Variants in HLCS observed in about 807,000 individuals in gnomAD.
HLCS encodes biotin--protein ligase.
Under a neutral mutation model 75.0 loss-of-function variants are expected in HLCS, and 53 were observed. The observed-to-expected ratio is 0.71, with a 90% CI of 0.57 to 0.89. The LOEUF (loss-of-function observed/expected upper bound fraction) is 0.89, where lower values mean the gene tolerates loss of function less well. Ranked by LOEUF, HLCS falls within the 40% of genes least tolerant of loss-of-function variation. The pLI is 0.00. For missense variants in HLCS, 966 were observed against 1,074.0 expected, an observed-to-expected ratio of 0.90 and a Z score of 1.41; for synonymous variants, 431 against 428.6, an observed-to-expected ratio of 1.01 and a Z score of -0.07.
intron 5 of HLCS, among the ~76,000 whole-genome samples, chr21:36,902,394 C>T (rs1601685071): frequency 6.6e-6 from 1 of 152,206 alleles, no homozygotes; most frequent in African/African-American, 2.4e-5. Flanking sequence ...GGAGCAGAGA[C>T]AGCTCACCCA....
At chr21:36,904,189 A>C (rs1484666699) in intron 5 of HLCS, among the ~76,000 whole-genome samples, 1 of 152,204 alleles carries the variant, frequency 6.6e-6, no homozygotes, top group Non-Finnish European at 1.5e-5. Context: ...AAATTCACTC[A>C]AACTATTCAA....
chr21:36,951,879 C>T (rs1031660489), intron 2 of HLCS, among the ~76,000 whole-genome samples: 1 of 152,120 alleles, frequency 6.6e-6, no homozygotes, highest in African/African-American at 2.4e-5. Flanking sequence ...ATAAGTGAAA[C>T]GTAGCTGTTC....
At chr21:36,802,680 C>T (rs559833851) in intron 6 of HLCS, among the ~76,000 whole-genome samples, 170 of 152,266 alleles carry the variant, frequency 1.1e-3, no homozygotes, top group African/African-American at 3.7e-3. Context: ...TTCTTTGCGT[C>T]GTACTGAACT....
rs147256659 is a variant in HLCS at position 36,754,342 on chromosome 21, G to A, written c.2526C>T (p.Leu842=). The A allele has an allele frequency of 2.0e-5, 33 of 1,614,044 alleles. No homozygotes were observed. In the African/African-American group the frequency reaches 4.1e-4, roughly 20 times the overall value. ...CCTCGCCGCCCTCCTGGTGAACCTG[G>A]AGGAAGCCAGAATCGTCCAGGCCAA... ...SIVGLDDSGF[L]QVHQEGGEVV... Residue 842 remains leucine, a synonymous_variant, in exon 11 of 11, where the codon CTC becomes CTT. Transcript: ENST00000674895.
At chr21:36,961,857 G>A (rs908927811) in intron 2 of HLCS, among the ~76,000 whole-genome samples, 179 bp downstream of exon 2, 1 of 151,420 alleles carries the variant, frequency 6.6e-6, no homozygotes, top group African/African-American at 2.4e-5. Context: ...TGGAGGCTGA[G>A]GCATGAGAAT....
chr21:36,857,318 C>T (rs1000487290), intron 6 of HLCS, among the ~76,000 whole-genome samples: 1 of 152,152 alleles, frequency 6.6e-6, no homozygotes, highest in Non-Finnish European at 1.5e-5. Flanking sequence ...CTTTCTTTAA[C>T]CTTTCTGTTT....
upstream of HLCS, among the ~76,000 whole-genome samples, chr21:36,970,934 T>C (rs988918300): frequency 2.7e-5 from 4 of 150,058 alleles, no homozygotes; most frequent in East Asian, 7.9e-4. Flanking sequence ...GCGGAGCTTG[T>C]AGTGAGCCAA....
intron 6 of HLCS, among the ~76,000 whole-genome samples, chr21:36,876,876 C>T (rs571508284): frequency 6.6e-6 from 1 of 152,146 alleles, no homozygotes; most frequent in Non-Finnish European, 1.5e-5. Flanking sequence ...TGACGGTGGA[C>T]TTCTCTATTT....
At chr21:36,834,918 G>A (rs2062355203) in intron 6 of HLCS, among the ~76,000 whole-genome samples, 1 of 152,222 alleles carries the variant, frequency 6.6e-6, no homozygotes, top group Non-Finnish European at 1.5e-5. Context: ...TGAAAGATGA[G>A]AATAACTTCT....
At chr21:36,828,753 C>A (rs536060373) in intron 6 of HLCS, among the ~76,000 whole-genome samples, 1 of 152,300 alleles carries the variant, frequency 6.6e-6, no homozygotes, top group South Asian at 2.1e-4. Context: ...ATCCTTTTTA[C>A]TTAAGTCCAC....
intron 5 of HLCS, among the ~76,000 whole-genome samples, chr21:36,900,169 C>A (rs1024439165): frequency 2.6e-5 from 4 of 151,880 alleles, no homozygotes; most frequent in Non-Finnish European, 4.4e-5. Flanking sequence ...ACACAATACA[C>A]AGAATGTTAG....
In HLCS at chr21:36,937,123, C is replaced by T. The variant is rs937407062; in HGVS notation, c.763G>A (p.Glu255Lys). The change falls in exon 4 of 11, where the codon GAG becomes AAG. Residue 255 changes from glutamate (E) to lysine (K), a missense_variant. Transcript: ENST00000674895. ...GTGCTGTTCTCAAGTTCCAGACACT[C>T]GTGGCAACTAGACAGATGGAGGTGA... Reference protein sequence around the residue: ...HYHLHLSSCHECLELENSTIE... With the variant: ...HYHLHLSSCHKCLELENSTIE... The T allele has an allele frequency of 2.5e-6, 4 of 1,614,038 alleles. No homozygotes were observed. The highest frequency in any genetic ancestry group is 1.3e-5 in the African/African-American group (1 of 74,898).
At chr21:36,820,654 G>A (rs2061810395) in intron 6 of HLCS, among the ~76,000 whole-genome samples, 2 of 152,246 alleles carry the variant, frequency 1.3e-5, no homozygotes, top group Admixed American at 6.5e-5. Context: ...GGGCGCTGAG[G>A]GCAGTTTGGC....
intron 2 of HLCS, among the ~76,000 whole-genome samples, chr21:36,958,565 G>C (rs564535918): frequency 2.6e-5 from 4 of 152,344 alleles, no homozygotes; most frequent in Non-Finnish European, 4.4e-5. Context: ...GAGGCAGGCA[G>C]ATTGCCTGAG....
chr21:36,767,112 G>A, intron 7 of HLCS, 106 bp downstream of exon 7: 1 of 1,072,066 alleles, frequency 9.3e-7, no homozygotes. Context: ...CTACTAACTT[G>A]AGTCCCCCAG....
At position 36,812,468 on chromosome 21, in the gene HLCS, C is replaced by G. The variant is rs2061541479; in HGVS notation, c.1893-45183G>C. 2.0e-5 allele frequency among the ~76,000 whole-genome samples: 3 copies of G among 152,198 alleles called. No individual in the cohort carries two copies. In the South Asian group the frequency reaches 6.2e-4, roughly 32 times the overall value. ...AATATGCCTAAATTATCACTGAAAT[C>G]TAGCAAATTATGTCTTAGAATGTTA... On this transcript the variant is annotated intron_variant, in intron 6 of 10. Transcript: ENST00000674895.
rs536548568 is a variant in HLCS, at chr21:36,788,096, A to C, written c.1893-20811T>G. On this transcript the variant is annotated intron_variant, in intron 6 of 10. Transcript: ENST00000674895. Reference sequence around the variant, plus strand: ...CTGTGGGGCCACCACTCCCCACAAAAGATTAAAACCAAGATGTTTCCTAGA... The same window carrying C: ...CTGTGGGGCCACCACTCCCCACAAACGATTAAAACCAAGATGTTTCCTAGA... 3.4e-4 allele frequency among the ~76,000 whole-genome samples: 52 copies of C among 152,328 alleles called. No homozygotes were observed. In the South Asian group the frequency reaches 0.01, roughly 30 times the overall value.
intron 6 of HLCS, among the ~76,000 whole-genome samples, chr21:36,892,574 T>A (rs1195705822): frequency 6.6e-6 from 1 of 152,152 alleles, no homozygotes; most frequent in Non-Finnish European, 1.5e-5. Context: ...GAAATGAATG[T>A]CATACCAGGG....
chr21:36,913,285 A>C (rs181570661), intron 5 of HLCS, among the ~76,000 whole-genome samples: 4 of 152,332 alleles, frequency 2.6e-5, no homozygotes, highest in African/African-American at 9.6e-5. Context: ...TACCTAACCC[A>C]AAATGCAGCA....
Sources: allele counts gnomAD v4.1 joint callset (sites outside exome capture counted in the v4.1 genomes callset), GRCh38; gene constraint gnomAD v4.1.1; transcripts MANE v1.5; gene names NCBI Gene and HGNC (gene_info 2026-07-23, HGNC 2026-07-21).